UBE2E2: variants seen among roughly 807,000 people sequenced by gnomAD.
UBE2E2 encodes ubiquitin-conjugating enzyme E2 E2.
Under a neutral mutation model 24.7 loss-of-function variants are expected in UBE2E2, and 6 were observed. The observed-to-expected ratio is 0.24, with a 90% CI of 0.13 to 0.48. The LOEUF (loss-of-function observed/expected upper bound fraction) is 0.48, where lower values mean the gene tolerates loss of function less well. UBE2E2 is among the 20% of genes least tolerant of loss of function. UBE2E2 has a pLI of 0.99. For missense variants in UBE2E2, 169 were observed against 245.0 expected (o/e 0.69, Z 2.07); for synonymous variants, 104 against 83.6 (o/e 1.24, Z -1.33).
At chr3:23,563,492 A>G (rs1575709340) in intron 5 of UBE2E2, among the ~76,000 whole-genome samples, 1 of 152,166 alleles carries the variant, frequency 6.6e-6, no homozygotes, top group African/African-American at 2.4e-5. Context: ...ACTTCCAACT[A>G]TGTGGTCAGT....
intron 3 of UBE2E2, among the ~76,000 whole-genome samples, chr3:23,340,249 T>A (rs1455994220): frequency 6.6e-6 from 1 of 152,178 alleles, no homozygotes; most frequent in Non-Finnish European, 1.5e-5. Flanking sequence ...TTGATAATCA[T>A]GTTTTCAGAA....
At chr3:23,526,010 A>G (rs1013004808) in intron 4 of UBE2E2, among the ~76,000 whole-genome samples, 5 of 152,068 alleles carry the variant, frequency 3.3e-5, no homozygotes, top group Non-Finnish European at 1.5e-5. Context: ...ATTCTTTCTC[A>G]TTTTCCCTAG....
intron 3 of UBE2E2, among the ~76,000 whole-genome samples, chr3:23,268,067 G>C (rs1277919519): frequency 6.7e-4 from 102 of 151,594 alleles, no homozygotes; most frequent in Non-Finnish European, 1.1e-3. Context: ...AAAATAATAA[G>C]AGCTATCTAT....
chr3:23,316,362 C>T (rs1694579247), intron 3 of UBE2E2, among the ~76,000 whole-genome samples: 1 of 152,036 alleles, frequency 6.6e-6, no homozygotes, highest in South Asian at 2.1e-4. Flanking sequence ...TCCCCTTACC[C>T]CAGGCAGAGG....
intron 5 of UBE2E2, among the ~76,000 whole-genome samples, chr3:23,548,949 C>T (rs1695580644): frequency 6.6e-6 from 1 of 152,154 alleles, no homozygotes; most frequent in African/African-American, 2.4e-5. Flanking sequence ...CATCAGCTCT[C>T]AAAAGAGGTA....
intron 3 of UBE2E2, among the ~76,000 whole-genome samples, chr3:23,408,212 G>T (rs1697412141): frequency 6.6e-6 from 1 of 152,048 alleles, no homozygotes; most frequent in Non-Finnish European, 1.5e-5. Context: ...TTAGAGTTAG[G>T]TATATTTATG....
chr3:23,262,425 A>T (rs768358217), intron 3 of UBE2E2, among the ~76,000 whole-genome samples: 2 of 152,072 alleles, frequency 1.3e-5, no homozygotes, highest in Non-Finnish European at 2.9e-5. Context: ...CTACAGGTGC[A>T]TGCCACCACA....
At chr3:23,439,767 A>C (rs1004275952) in intron 3 of UBE2E2, among the ~76,000 whole-genome samples, 3 of 152,058 alleles carry the variant, frequency 2.0e-5, no homozygotes, top group Non-Finnish European at 4.4e-5. Context: ...CTTTCAGCGA[A>C]AACGCATTGT....
chr3:23,459,376 A>G (rs1015574019), intron 3 of UBE2E2, among the ~76,000 whole-genome samples: 6 of 152,238 alleles, frequency 3.9e-5, no homozygotes, highest in Non-Finnish European at 8.8e-5. Context: ...AAAACTTGTT[A>G]CTGATACATA....
At chr3:23,219,439 G>A (rs901802801) in intron 3 of UBE2E2, among the ~76,000 whole-genome samples, 2 of 152,072 alleles carry the variant, frequency 1.3e-5, no homozygotes, top group Admixed American at 6.6e-5. Flanking sequence ...TCTGTATTTC[G>A]GTGAAAATGT....
At chr3:23,532,404 T>C in intron 4 of UBE2E2, 150 bp from the exon 5 acceptor site, 1 of 559,040 alleles carries the variant, frequency 1.8e-6, no homozygotes, top group Non-Finnish European at 2.8e-6. Flanking sequence ...ATTAATCTCA[T>C]GTGCCCAAGA....
At position 23,524,032 on chromosome 3, in the gene UBE2E2, A is replaced by C. The variant is rs1694930659; in HGVS notation, c.361-8522A>C. Among the ~76,000 whole-genome samples the C allele has an allele frequency of 2.6e-5, 4 of 152,264 alleles. No individual in the cohort carries two copies. In the South Asian group the frequency reaches 6.2e-4, roughly 24 times the overall value. On this transcript the variant is annotated intron_variant, in intron 4 of 5. Transcript: ENST00000396703. ...GTTCTCACTGATTGCAGATTTTCTC[A>C]GTAAAAGCAAGGCACCATTTATGTC...
intron 3 of UBE2E2, among the ~76,000 whole-genome samples, chr3:23,470,904 ATTC>A: frequency 6.6e-6 from 1 of 152,174 alleles, no homozygotes; most frequent in Admixed American, 6.5e-5. Flanking sequence ...ATGAAAGTCT[ATTC>A]TTAGGTATGG....
chr3:23,266,016 C>G (rs1270233342), intron 3 of UBE2E2, among the ~76,000 whole-genome samples: 1 of 152,224 alleles, frequency 6.6e-6, no homozygotes, highest in East Asian at 1.9e-4. Flanking sequence ...TTCCTCCATC[C>G]TTTTATTTTG....
chr3:23,300,528 C>A (rs1699044117), intron 3 of UBE2E2, among the ~76,000 whole-genome samples: 1 of 152,140 alleles, frequency 6.6e-6, no homozygotes, highest in East Asian at 1.9e-4. Flanking sequence ...TATTTTATTT[C>A]TCCTTCACTT....
At chr3:23,225,108 G>T (rs1293604404) in intron 3 of UBE2E2, among the ~76,000 whole-genome samples, 2 of 152,006 alleles carry the variant, frequency 1.3e-5, no homozygotes, top group Non-Finnish European at 2.9e-5. Flanking sequence ...AGAAATGTTA[G>T]TTCAAATCCT....
chr3:23,527,629 A>G (rs1460782509), intron 4 of UBE2E2, among the ~76,000 whole-genome samples: 9 of 152,138 alleles, frequency 5.9e-5, no homozygotes, highest in Admixed American at 2.0e-4. Context: ...CCTTTCCCCT[A>G]TAACCCTCAG....
chr3:23,274,344 T>G (rs1698325285), intron 3 of UBE2E2, among the ~76,000 whole-genome samples: 1 of 152,070 alleles, frequency 6.6e-6, no homozygotes, highest in Non-Finnish European at 1.5e-5. Flanking sequence ...CTTCCTTTCC[T>G]GGAAGGTCTT....
rs1696144409 is a variant in UBE2E2 at position 23,568,692 on chromosome 3, C to CATATATATGTATACATATAT, written c.509-21041_509-21040insTATATATGTATACATATATA. Among the ~76,000 whole-genome samples, 12 of 81,240 alleles carry CATATATATGTATACATATAT rather than the reference C, an allele frequency of 1.5e-4. No individual in the cohort carries two copies. In the South Asian group the frequency reaches 6.1e-3, roughly 41 times the overall value. The allele number at this position is 81,240 out of a possible 152,430, so 53.3% of individuals were successfully genotyped here. On this transcript the variant is annotated intron_variant, in intron 5 of 5. Coordinates refer to ENST00000396703, the MANE Select transcript of UBE2E2 (RefSeq NM_152653.4). ...ACGCACATATATGTATACATATATA[C>CATATATATGTATACATATAT]ACACATATATATATACATGTATATA...
Sources: allele counts gnomAD v4.1 joint callset (sites outside exome capture counted in the v4.1 genomes callset), GRCh38; gene constraint gnomAD v4.1.1; transcripts MANE v1.5; gene names NCBI Gene and HGNC (gene_info 2026-07-23, HGNC 2026-07-21).